Variants in SEPTIN11 observed in about 807,000 individuals in gnomAD.
The protein encoded by SEPTIN11 is septin-11.
Under a neutral mutation model 51.4 loss-of-function variants are expected in SEPTIN11, and 25 were observed. That is an observed-to-expected ratio of 0.49 (90% CI 0.35 to 0.68). SEPTIN11 has a LOEUF of 0.68. Ranked by LOEUF, SEPTIN11 falls within the 30% of genes least tolerant of loss-of-function variation. The pLI is 0.00. For missense variants in SEPTIN11, 381 were observed against 520.8 expected, an observed-to-expected ratio of 0.73 and a Z score of 2.61; for synonymous variants, 174 against 184.1, an observed-to-expected ratio of 0.95 and a Z score of 0.44.
downstream of SEPTIN11, chr4:77,039,168 G>A: frequency 7.8e-7 from 1 of 1,274,158 alleles, no homozygotes; most frequent in Non-Finnish European, 1.0e-6. Context: ...CACACGTGTT[G>A]GGGAAGAGTT....
intron 7 of SEPTIN11, among the ~76,000 whole-genome samples, chr4:77,028,331 C>T (rs1168995200): frequency 6.6e-6 from 1 of 152,162 alleles, no homozygotes; most frequent in Admixed American, 6.5e-5. Flanking sequence ...TCTATACCAC[C>T]TCCACCTCCT....
chr4:76,949,908 C>T lies in SEPTIN11; in HGVS notation c.5C>T (p.Ala2Val). M[A>V]VAVGRPSNEE... ...GGAGCCGGTGCCGCAGCTGCGATGG[C>T]CGTGGCCGTGGGGAGACCGTCTGTG... Residue 2 changes from alanine to valine, a missense_variant, in exon 1 of 10, where the codon GCC (alanine) becomes GTC (valine). Ala to Val is a moderately conservative substitution (Grantham distance 64). Coordinates refer to ENST00000264893, the MANE Select transcript of SEPTIN11 (RefSeq NM_018243.4). 9 of 1,530,366 alleles carry T rather than the reference C, an allele frequency of 5.9e-6. No homozygotes were observed. The highest frequency in any genetic ancestry group is 2.7e-5 in the East Asian group (1 of 37,714). The allele number at this position is 1,530,366 out of a possible 1,614,324, so 94.8% of individuals were successfully genotyped here. A position where few individuals can be genotyped will look rare whatever the true frequency, so the allele number is the denominator to read the frequency against.
At chr4:76,951,387 C>G (rs1448593457) in intron 1 of SEPTIN11, among the ~76,000 whole-genome samples, 1 of 152,160 alleles carries the variant, frequency 6.6e-6, no homozygotes, top group Admixed American at 6.5e-5. Context: ...TTCTGGTCTT[C>G]TTTTGCACAT....
chr4:76,952,768 A>G (rs1184786885), intron 1 of SEPTIN11, among the ~76,000 whole-genome samples: 8 of 152,216 alleles, frequency 5.3e-5, no homozygotes, highest in Admixed American at 3.9e-4. Flanking sequence ...CCTGAAGCAC[A>G]TCTGCTGTTT....
At chr4:76,973,305 A>C (rs777734549) in intron 1 of SEPTIN11, among the ~76,000 whole-genome samples, 6 of 152,168 alleles carry the variant, frequency 3.9e-5, no homozygotes, top group Non-Finnish European at 7.4e-5. Flanking sequence ...TTCCAGCCCC[A>C]GCCTTGTTCC....
intron 3 of SEPTIN11, among the ~76,000 whole-genome samples, chr4:77,008,053 G>A (rs746753015): frequency 6.6e-6 from 1 of 152,214 alleles, no homozygotes; most frequent in Non-Finnish European, 1.5e-5. Context: ...CAACATTCCT[G>A]TATTATTATC....
chr4:76,994,289 T>TC, intron 1 of SEPTIN11, among the ~76,000 whole-genome samples: 2 of 152,192 alleles, frequency 1.3e-5, no homozygotes, highest in African/African-American at 2.4e-5. Context: ...CAAACCCTCC[T>TC]CCCCCAAGTC....
intron 5 of SEPTIN11, among the ~76,000 whole-genome samples, chr4:77,018,525 G>A (rs913732899): frequency 2.0e-5 from 3 of 151,684 alleles, no homozygotes; most frequent in Admixed American, 1.3e-4. Context: ...ATATCTCATC[G>A]TGGACTGAAT....
At chr4:77,015,145 C>T in intron 5 of SEPTIN11, 128 bp downstream of exon 5, 2 of 805,870 alleles carry the variant, frequency 2.5e-6, no homozygotes, top group Non-Finnish European at 3.8e-6. Context: ...CCAGCTTTGC[C>T]ACCACTTCAA....
chr4:77,035,023 G>T lies in SEPTIN11; in HGVS notation c.*511G>T. On this transcript the variant is annotated 3_prime_UTR_variant, in exon 10 of 10. Transcript: ENST00000264893. ...TAGATTTGTACGTAGACAGACTGGTGAGCAAGCATTATATTTTATTTTTAC... is the reference window on the plus strand; with the variant it reads ...TAGATTTGTACGTAGACAGACTGGTTAGCAAGCATTATATTTTATTTTTAC... 1.0e-6 allele frequency: 1 copy of T among 985,726 alleles called. No individual in the cohort carries two copies. The highest frequency in any genetic ancestry group is 1.1e-4 in the East Asian group (1 of 8,816). 61.1% of individuals were successfully genotyped at this position (985,726 alleles called of 1,614,324 possible).
chr4:77,024,801 G>C lies in SEPTIN11; in HGVS notation c.954-3828G>C, dbSNP rs1013521572. Among the ~76,000 whole-genome samples, 1 of 152,186 alleles carries C rather than the reference G, an allele frequency of 6.6e-6. No individual in the cohort carries two copies. The highest frequency in any genetic ancestry group is 2.4e-5 in the African/African-American group (1 of 41,450). ...CCTGGCTCTGTTACTTCTTTGTGGT[G>C]TGACCTGGTCAAATTACCTGTGTGT... On this transcript the variant is annotated intron_variant, in intron 7 of 9. Transcript: ENST00000264893. The surrounding 1 kb of genome is among the most constrained non-coding windows in gnomAD (Gnocchi z 4.2).
chr4:76,995,642 A>G (rs1417204909), intron 1 of SEPTIN11: 1 of 605,980 alleles, frequency 1.7e-6, no homozygotes, highest in African/African-American at 1.9e-5. Flanking sequence ...ATTATCTCCA[A>G]CACCCACGGG....
At chr4:76,971,371 C>A (rs1025118105) in intron 1 of SEPTIN11, among the ~76,000 whole-genome samples, 15 of 152,090 alleles carry the variant, frequency 9.9e-5, no homozygotes, top group African/African-American at 3.6e-4. Flanking sequence ...GGAGTCTTTA[C>A]TTCTGACTCC....
At chr4:77,027,673 TACA>T (rs1560747737) in intron 7 of SEPTIN11, among the ~76,000 whole-genome samples, 2 of 152,216 alleles carry the variant, frequency 1.3e-5, no homozygotes, top group African/African-American at 4.8e-5. Flanking sequence ...ATGGTTAATA[TACA>T]ACAATTGTTG....
intron 8 of SEPTIN11, 135 bp downstream of exon 8, chr4:77,028,896 C>T: frequency 1.1e-6 from 1 of 875,138 alleles, no homozygotes; most frequent in African/African-American, 1.7e-5. Context: ...GCCAACCTGG[C>T]CAGGAAAATG....
intron 1 of SEPTIN11, among the ~76,000 whole-genome samples, chr4:76,955,926 G>C (rs112051726): frequency 1.3e-5 from 2 of 152,054 alleles, no homozygotes; most frequent in Non-Finnish European, 1.5e-5. Context: ...TGGTGGGGCT[G>C]GGGGGGAAGA....
At chr4:76,950,037 G>GGCT in intron 1 of SEPTIN11, 107 bp downstream of exon 1, 1 of 1,183,352 alleles carries the variant, frequency 8.5e-7, no homozygotes, top group Non-Finnish European at 1.1e-6. Flanking sequence ...TCGGCCCCGC[G>GGCT]GCGGCGGCGA....
chr4:76,989,182 C>T (rs1560712526), intron 1 of SEPTIN11, among the ~76,000 whole-genome samples: 2 of 152,158 alleles, frequency 1.3e-5, no homozygotes, highest in South Asian at 4.1e-4. Context: ...GATCAGTATA[C>T]TTTATTTATC....
intron 1 of SEPTIN11, among the ~76,000 whole-genome samples, chr4:76,977,533 G>C (rs567132502): frequency 6.6e-6 from 1 of 152,260 alleles, no homozygotes; most frequent in South Asian, 2.1e-4. Context: ...GTTTTCCTGA[G>C]AGTAAAAGTA....
Sources: gnomAD v4.1 joint callset for allele counts (sites outside exome capture counted in the v4.1 genomes callset) on GRCh38, gnomAD v4.1.1 for gene constraint, Gnocchi (gnomAD v3.1) non-coding constraint, MANE v1.5 for transcripts, NCBI Gene and HGNC (gene_info 2026-07-23, HGNC 2026-07-21) for gene names.